Variants in FAM83D observed in about 807,000 individuals in gnomAD.
The protein encoded by FAM83D is protein FAM83D.
In FAM83D, 26 loss-of-function variants were observed where a neutral mutation model predicts 25.4. That is an observed-to-expected ratio of 1.02 (90% CI 0.75 to 1.42). The LOEUF is 1.42. Among genes scored for constraint, FAM83D ranks in the 40% most tolerant of loss-of-function variants. The probability of loss-of-function intolerance (pLI) is 0.00; values close to 1 mark genes in which losing one functional copy is unlikely to be tolerated. For missense variants in FAM83D, 740 were observed against 758.1 expected, an observed-to-expected ratio of 0.98 and a Z score of 0.28; for synonymous variants, 310 against 318.5, an observed-to-expected ratio of 0.97 and a Z score of 0.28.
chr20:38,944,555 G>C (rs986482116), intron 2 of FAM83D, among the ~76,000 whole-genome samples: 1 of 152,194 alleles, frequency 6.6e-6, no homozygotes, highest in Non-Finnish European at 1.5e-5. Context: ...TTATCTACTA[G>C]ACAGAAATCT....
intron 1 of FAM83D, among the ~76,000 whole-genome samples, chr20:38,929,179 G>GAAAA (rs60923362): frequency 1.6e-5 from 2 of 126,960 alleles, no homozygotes; most frequent in East Asian, 2.3e-4. Context: ...CTCCCTCTCG[G>GAAAA]AAAAAAAAAA....
intron 1 of FAM83D, among the ~76,000 whole-genome samples, chr20:38,941,220 A>T (rs2085700697): frequency 6.6e-6 from 1 of 152,148 alleles, no homozygotes; most frequent in African/African-American, 2.4e-5. Context: ...TACTGAGGAG[A>T]GGCCAGTGCA....
intron 1 of FAM83D, 117 bp from the exon 2 acceptor site, chr20:38,941,842 G>C: frequency 2.0e-6 from 2 of 995,518 alleles, no homozygotes; most frequent in East Asian, 2.4e-5. Flanking sequence ...GGGAGGGAAG[G>C]ATAACTGTTG....
intron 3 of FAM83D, among the ~76,000 whole-genome samples, chr20:38,948,752 G>A (rs2085740566): frequency 6.6e-6 from 1 of 152,216 alleles, no homozygotes; most frequent in Non-Finnish European, 1.5e-5. Flanking sequence ...ACACAACCCT[G>A]AGTGATAATT....
At chr20:38,928,975 G>A (rs1568694535) in intron 1 of FAM83D, among the ~76,000 whole-genome samples, 1 of 151,876 alleles carries the variant, frequency 6.6e-6, no homozygotes, top group Admixed American at 6.6e-5. Flanking sequence ...TCAGGAGTTC[G>A]AGACCAGCCT....
chr20:38,946,102 C>A (rs917442939), intron 2 of FAM83D, among the ~76,000 whole-genome samples: 1 of 142,924 alleles, frequency 7.0e-6, no homozygotes, highest in African/African-American at 2.6e-5. Context: ...CTTAGCTACT[C>A]GGGAGGCTGA....
chr20:38,936,584 C>T (rs968193605), intron 1 of FAM83D, among the ~76,000 whole-genome samples: 14 of 152,130 alleles, frequency 9.2e-5, no homozygotes, highest in Non-Finnish European at 1.5e-5. Flanking sequence ...ATGTGAAAAA[C>T]TGCCCATTAA....
chr20:38,932,981 T>C (rs2085664578), intron 1 of FAM83D, among the ~76,000 whole-genome samples: 2 of 152,204 alleles, frequency 1.3e-5, no homozygotes, highest in Admixed American at 1.3e-4. Flanking sequence ...GCCCCTGGCA[T>C]TTACTTGGAT....
intron 1 of FAM83D, 136 bp from the exon 2 acceptor site, chr20:38,941,823 T>C (rs2145804853): frequency 1.2e-6 from 1 of 846,276 alleles, no homozygotes; most frequent in Middle Eastern, 3.7e-4. Flanking sequence ...GCACCAACAC[T>C]GCAGAAGGGG....
At chr20:38,930,981 G>C (rs2085656743) in intron 1 of FAM83D, among the ~76,000 whole-genome samples, 1 of 151,930 alleles carries the variant, frequency 6.6e-6, no homozygotes, top group Non-Finnish European at 1.5e-5. Flanking sequence ...TGTTGCCCAG[G>C]CTGGTGTTGA....
chr20:38,941,807 AG>A lies in FAM83D; in HGVS notation c.484-146del, dbSNP rs2085703128. The A allele has an allele frequency of 1.4e-5, 10 of 737,620 alleles. No individual in the cohort carries two copies. The South Asian group carries it at 1.5e-4, about 11-fold the overall frequency. 45.7% of individuals were successfully genotyped at this position (737,620 alleles called of 1,614,324 possible). ...TGGAGATGCAAAAGAGTCCATGGTG[AG>A]GGGGGCACCAACACTGCAGAAGGGG... On this transcript the variant is annotated intron_variant, in intron 1 of 3. Coordinates refer to ENST00000619850, the MANE Select transcript of FAM83D (RefSeq NM_030919.3).
intron 1 of FAM83D, among the ~76,000 whole-genome samples, chr20:38,939,621 G>A (rs1482872998): frequency 6.6e-6 from 1 of 152,174 alleles, no homozygotes; most frequent in Non-Finnish European, 1.5e-5. Flanking sequence ...AAAGCACTGG[G>A]ATTACAGGCA....
chr20:38,935,259 C>T (rs2085674048), intron 1 of FAM83D, among the ~76,000 whole-genome samples: 1 of 152,120 alleles, frequency 6.6e-6, no homozygotes, highest in Non-Finnish European at 1.5e-5. Context: ...TCCCCCTACC[C>T]CCTAACTTCT....
chr20:38,948,916 A>G (rs2085740990), intron 3 of FAM83D, among the ~76,000 whole-genome samples: 1 of 152,232 alleles, frequency 6.6e-6, no homozygotes, highest in Admixed American at 6.5e-5. Flanking sequence ...GTGGGAAAAA[A>G]CAAATTGAAC....
intron 1 of FAM83D, among the ~76,000 whole-genome samples, chr20:38,927,174 C>T (rs1157508867): frequency 1.3e-5 from 2 of 152,180 alleles, no homozygotes; most frequent in Non-Finnish European, 2.9e-5. Context: ...GAATTGTGCC[C>T]GGGTTCCATC....
At chr20:38,939,786 G>T (rs1005595685) in intron 1 of FAM83D, among the ~76,000 whole-genome samples, 1 of 152,148 alleles carries the variant, frequency 6.6e-6, no homozygotes, top group African/African-American at 2.4e-5. Context: ...AGCCCACAGC[G>T]TGCTCTGAGG....
rs1255924956 is a variant in FAM83D, at chr20:38,926,462, G to A, written c.20G>A (p.Gly7Asp). 2 of 1,598,254 alleles carry A rather than the reference G, an allele frequency of 1.3e-6. No individual in the cohort carries two copies. The highest frequency in any genetic ancestry group is 1.7e-5 in the Admixed American group (1 of 59,888). MALLSE[G>D]LDEVPAACLS... ...GCCGCCATGGCTCTGCTGTCCGAGGGCCTGGACGAGGTGCCCGCCGCCTGC... is the reference window on the plus strand; with the variant it reads ...GCCGCCATGGCTCTGCTGTCCGAGGACCTGGACGAGGTGCCCGCCGCCTGC... The change falls in exon 1 of 4, where the codon GGC becomes GAC. Residue 7 changes from glycine to aspartate, a missense_variant. By Grantham distance (94) the Gly-to-Asp change is moderately conservative. Coordinates refer to ENST00000619850, the MANE Select transcript of FAM83D (RefSeq NM_030919.3).
At chr20:38,946,440 T>C (rs2085729015) in intron 2 of FAM83D, among the ~76,000 whole-genome samples, 1 of 152,186 alleles carries the variant, frequency 6.6e-6, no homozygotes, top group African/African-American at 2.4e-5. Context: ...TTACATCTTA[T>C]GTAACTTATG....
rs369633142 is a variant in FAM83D at position 38,930,455 on chromosome 20, G to A, written c.483+3530G>A. ...CCCAAGTCTGTCTAGTTCCAGCTCT[G>A]AAGCTCAAGTGTTTTTTTTTTGTTG... On this transcript the variant is annotated intron_variant, in intron 1 of 3. Coordinates refer to ENST00000619850, the MANE Select transcript of FAM83D (RefSeq NM_030919.3). 1.0e-3 allele frequency among the ~76,000 whole-genome samples: 152 copies of A among 152,216 alleles called. 5 individuals are homozygous for A. The South Asian group carries it at 0.031, about 31-fold the overall frequency.
Sources: gnomAD v4.1 joint callset for allele counts (sites outside exome capture counted in the v4.1 genomes callset) on GRCh38, gnomAD v4.1.1 for gene constraint, MANE v1.5 for transcripts, NCBI Gene and HGNC (gene_info 2026-07-23, HGNC 2026-07-21) for gene names.